Variants in SUMF1 observed in about 807,000 individuals in gnomAD.
SUMF1 encodes formylglycine-generating enzyme.
A neutral mutation model predicts 47.6 loss-of-function variants in SUMF1; 48 were observed. The observed-to-expected ratio is 1.01, with a 90% CI of 0.80 to 1.28. The LOEUF is 1.28. Ranked by LOEUF, SUMF1 falls within the 50% of genes most tolerant of loss-of-function variation. The pLI is 0.00. For synonymous variants in SUMF1, 230 were observed against 192.1 expected, an observed-to-expected ratio of 1.20 and a Z score of -1.63; for missense variants, 571 against 485.4, an observed-to-expected ratio of 1.18 and a Z score of -1.66.
chr3:4,273,742 C>CG (rs1346921401), intron 8 of SUMF1, among the ~76,000 whole-genome samples: 1 of 34,396 alleles, frequency 2.9e-5, no homozygotes, highest in Non-Finnish European at 5.1e-5. Context: ...AGGGAGGATA[C>CG]GGGAGGGAGG....
Position 4,353,488 on chromosome 3 carries a change from G to A in SUMF1, c.1014+22842C>T, listed in dbSNP as rs139361121. 6.5e-3 allele frequency among the ~76,000 whole-genome samples: 983 copies of A among 152,208 alleles called. 8 individuals are homozygous for A. Among genetic ancestry groups the A allele is most frequent in the African/African-American group, 0.023 (936 of 41,540 alleles). On this transcript the variant is annotated intron_variant and NMD_transcript_variant, in intron 8 of 12. Coordinates refer to the SUMF1 transcript ENST00000448413. Reference sequence around the variant, plus strand: ...AGGATGGTCTCGATCTCCTGACCTCGTGATCCGCCCACCTCGGCCTCCCAA... The same window carrying A: ...AGGATGGTCTCGATCTCCTGACCTCATGATCCGCCCACCTCGGCCTCCCAA...
chr3:4,176,940 G>A (rs1000130490), intron 8 of SUMF1, among the ~76,000 whole-genome samples: 5 of 152,070 alleles, frequency 3.3e-5, no homozygotes, highest in Non-Finnish European at 7.4e-5. Context: ...AAGAGACAAA[G>A]AAGGCCATTA....
intron 8 of SUMF1, among the ~76,000 whole-genome samples, chr3:4,178,513 A>G: frequency 6.6e-6 from 1 of 152,162 alleles, no homozygotes; most frequent in East Asian, 1.9e-4. Context: ...AAAACTCTCA[A>G]TTAACTAGGC....
chr3:4,366,773 T>C (rs1021355849), intron 8 of SUMF1, among the ~76,000 whole-genome samples: 2 of 148,196 alleles, frequency 1.3e-5, no homozygotes, highest in African/African-American at 5.0e-5. Context: ...CTGCGTTCCT[T>C]TGGAGGAGGA....
chr3:4,054,156 C>T (rs1695156380), intron 9 of SUMF1, among the ~76,000 whole-genome samples: 1 of 143,958 alleles, frequency 6.9e-6, no homozygotes, highest in Non-Finnish European at 1.5e-5. Context: ...TGAGCTGACA[C>T]TCTGCAAGAT....
chr3:4,437,195 C>T (rs1702430689), intron 3 of SUMF1, among the ~76,000 whole-genome samples: 1 of 152,034 alleles, frequency 6.6e-6, no homozygotes, highest in Non-Finnish European at 1.5e-5. Flanking sequence ...AAAGTATTAA[C>T]CATGTCTAAT....
At chr3:4,125,065 G>A (rs1693626343) in intron 8 of SUMF1, among the ~76,000 whole-genome samples, 1 of 151,984 alleles carries the variant, frequency 6.6e-6, no homozygotes, top group Non-Finnish European at 1.5e-5. Flanking sequence ...TCTTAGTAAA[G>A]CAGTTTTATG....
chr3:4,302,627 G>A (rs962907690), intron 8 of SUMF1, among the ~76,000 whole-genome samples: 1 of 152,136 alleles, frequency 6.6e-6, no homozygotes, highest in Admixed American at 6.5e-5. Context: ...CACTTTCTCA[G>A]GTTAACCTTG....
Position 4,243,566 on chromosome 3 carries a change from A to G in SUMF1, c.1014+132764T>C, listed in dbSNP as rs916664306. Among the ~76,000 whole-genome samples, 97 of 151,940 alleles carry G rather than the reference A, an allele frequency of 6.4e-4. 3 individuals carry two copies. The highest frequency in any genetic ancestry group is 1.2e-4 in the Non-Finnish European group (8 of 67,944). On this transcript the variant is annotated intron_variant and NMD_transcript_variant, in intron 8 of 12. Coordinates refer to the SUMF1 transcript ENST00000448413. Reference sequence around the variant, plus strand: ...AGTTGTTCAGTTTCCATGTAGTTGCATGGTTTTGAGTAAAGTTTCTTAATT... The same window carrying G: ...AGTTGTTCAGTTTCCATGTAGTTGCGTGGTTTTGAGTAAAGTTTCTTAATT...
At chr3:4,249,136 G>C (rs889490325) in intron 8 of SUMF1, among the ~76,000 whole-genome samples, 1 of 152,214 alleles carries the variant, frequency 6.6e-6, no homozygotes. Flanking sequence ...AAAATCAGTA[G>C]AGAAAATAAG....
At chr3:4,117,561 G>A (rs1693451020) in intron 8 of SUMF1, among the ~76,000 whole-genome samples, 2 of 152,168 alleles carry the variant, frequency 1.3e-5, no homozygotes, top group Non-Finnish European at 2.9e-5. Flanking sequence ...TGGGCTTAGA[G>A]TCAGAAGGCC....
chr3:4,041,417 C>T (rs1272199522), intron 9 of SUMF1, among the ~76,000 whole-genome samples: 1 of 152,122 alleles, frequency 6.6e-6, no homozygotes, highest in Admixed American at 6.6e-5. Flanking sequence ...TTTTTATTTC[C>T]CTTTCACGTT....
chr3:4,329,162 G>C (rs542697239), intron 8 of SUMF1, among the ~76,000 whole-genome samples: 1 of 152,296 alleles, frequency 6.6e-6, no homozygotes, highest in Admixed American at 6.5e-5. Flanking sequence ...GGCTTTTCCA[G>C]GTGCATGGTG....
chr3:4,334,575 C>G (rs1699108997), intron 8 of SUMF1, among the ~76,000 whole-genome samples: 1 of 152,202 alleles, frequency 6.6e-6, no homozygotes. Context: ...TGTGTGACCC[C>G]AAACAGACAG....
intron 8 of SUMF1, among the ~76,000 whole-genome samples, chr3:4,226,050 A>G (rs1281905964): frequency 1.3e-5 from 2 of 152,040 alleles, no homozygotes; most frequent in African/African-American, 4.8e-5. Flanking sequence ...AACCTCTACC[A>G]TGATTCCCTC....
intron 8 of SUMF1, among the ~76,000 whole-genome samples, chr3:4,197,200 A>T (rs903681545): frequency 6.6e-6 from 1 of 151,982 alleles, no homozygotes. Context: ...TGCAGCCTCG[A>T]CCTCCCCAGG....
At chr3:4,360,107 G>A (rs575748093), downstream of SUMF1, among the ~76,000 whole-genome samples, 7 of 151,990 alleles carry the variant, frequency 4.6e-5, no homozygotes, top group African/African-American at 1.7e-4. Flanking sequence ...ATATGCAGGC[G>A]GGAGGTAACA....
chr3:4,429,167 C>A (rs1702157838), intron 3 of SUMF1, among the ~76,000 whole-genome samples: 1 of 152,214 alleles, frequency 6.6e-6, no homozygotes, highest in African/African-American at 2.4e-5. Context: ...ATCACTGTAA[C>A]CTGAGAGCGT....
chr3:4,133,658 C>T (rs766034864), intron 8 of SUMF1, among the ~76,000 whole-genome samples: 11 of 152,064 alleles, frequency 7.2e-5, no homozygotes, highest in Non-Finnish European at 4.4e-5. Context: ...ATCTTTCTCC[C>T]GTGCTGGATG....
Sources: gnomAD v4.1 joint callset for allele counts (sites outside exome capture counted in the v4.1 genomes callset) on GRCh38, gnomAD v4.1.1 for gene constraint, MANE v1.5 for transcripts, NCBI Gene and HGNC (gene_info 2026-07-23, HGNC 2026-07-21) for gene names.